The following CDK19 variants were observed in gnomAD, a reference collection of about 807,000 sequenced individuals.
CDK19 encodes the protein cyclin-dependent kinase 19.
CDK19 carries 20 observed loss-of-function variants against 68.3 expected under a neutral mutation model. That is an observed-to-expected ratio of 0.29 (90% CI 0.21 to 0.43). The LOEUF is 0.43. CDK19 is among the 20% of genes least tolerant of loss of function. The pLI, the probability that CDK19 is intolerant of heterozygous loss-of-function variation, is 1.00. For synonymous variants in CDK19, 221 were observed against 222.8 expected, an observed-to-expected ratio of 0.99 and a Z score of 0.07; for missense variants, 339 against 623.5, an observed-to-expected ratio of 0.54 and a Z score of 4.86.
At chr6:110,742,545 A>G (rs1383223119) in intron 2 of CDK19, among the ~76,000 whole-genome samples, 1 of 152,186 alleles carries the variant, frequency 6.6e-6, no homozygotes, top group Non-Finnish European at 1.5e-5. Context: ...CTTCTTGCAG[A>G]GAGCCTATAA....
At chr6:110,715,566 C>T (rs1775322782) in intron 2 of CDK19, among the ~76,000 whole-genome samples, 1 of 152,164 alleles carries the variant, frequency 6.6e-6, no homozygotes, top group African/African-American at 2.4e-5. Context: ...TGGCCCACTG[C>T]AACCTCTGCC....
At position 110,802,060 on chromosome 6, in the gene CDK19, G is replaced by A. The variant is rs377115504; in HGVS notation, c.128+12949C>T. 5.1e-4 allele frequency among the ~76,000 whole-genome samples: 77 copies of A among 152,250 alleles called. No homozygotes were observed. In the East Asian group the frequency reaches 0.013, roughly 26 times the overall value. Reference sequence around the variant, plus strand: ...ATGTTGGCAAGGTTGAGGAGAAAAGGGAATGCTTATATACAGTTGGTGGGA... The same window carrying A: ...ATGTTGGCAAGGTTGAGGAGAAAAGAGAATGCTTATATACAGTTGGTGGGA... On this transcript the variant is annotated intron_variant, in intron 1 of 12. Transcript: ENST00000368911.
intron 1 of CDK19, among the ~76,000 whole-genome samples, chr6:110,781,152 GCT>G (rs1780785215): frequency 6.6e-6 from 1 of 152,082 alleles, no homozygotes; most frequent in South Asian, 2.1e-4. Flanking sequence ...ATTTTATTTG[GCT>G]CATGGTTCTG....
At position 110,613,289 on chromosome 6, in the gene CDK19, TA is replaced by T. The variant is rs1317837756; in HGVS notation, c.*1245del. 1 of 152,654 alleles carries T rather than the reference TA, an allele frequency of 6.6e-6. No homozygotes were observed. Among genetic ancestry groups the T allele is most frequent in the Non-Finnish European group, 1.5e-5 (1 of 68,038 alleles). 9.5% of individuals were successfully genotyped at this position (152,654 alleles called of 1,614,324 possible). A position where few individuals can be genotyped will look rare whatever the true frequency, so the allele number is the denominator to read the frequency against. On this transcript the variant is annotated 3_prime_UTR_variant, in exon 13 of 13. Transcript: ENST00000368911. Reference sequence around the variant, plus strand: ...TAGGCACAATTATTAAGTTTTCTCCTAGGGGCAAAAGAAATCATTCAGTGCA... The same window carrying T: ...TAGGCACAATTATTAAGTTTTCTCCTGGGGCAAAAGAAATCATTCAGTGCA...
intron 4 of CDK19, chr6:110,646,399 G>A: frequency 6.7e-7 from 1 of 1,482,696 alleles, no homozygotes; most frequent in Non-Finnish European, 8.9e-7. Flanking sequence ...CCATGGGGCT[G>A]CTGGCGGGCG....
chr6:110,777,635 C>G (rs1780502910), intron 1 of CDK19, among the ~76,000 whole-genome samples: 1 of 152,178 alleles, frequency 6.6e-6, no homozygotes, highest in Non-Finnish European at 1.5e-5. Flanking sequence ...AGCAGTTCCA[C>G]TTCTGGGTAT....
chr6:110,630,679 T>TAGCCTCTGATCTGCTGCCTTACC lies in CDK19; in HGVS notation c.646+1328_646+1350dup, dbSNP rs1779381338. Among the ~76,000 whole-genome samples, 4 of 152,360 alleles carry TAGCCTCTGATCTGCTGCCTTACC rather than the reference T, an allele frequency of 2.6e-5. 1 individual carries two copies. The South Asian group carries it at 8.3e-4, about 32-fold the overall frequency. The stretch of plus-strand genomic sequence containing the variant: ...TCCACTGATGACAGCCTGGCCTTGG[T>TAGCCTCTGATCTGCTGCCTTACC]AGCCTCTGATCTGCTGCCTTACCAG... On this transcript the variant is annotated intron_variant, in intron 6 of 12. Coordinates refer to ENST00000368911, the MANE Select transcript of CDK19 (RefSeq NM_015076.5).
chr6:110,760,689 T>C (rs998156345), intron 1 of CDK19, among the ~76,000 whole-genome samples: 4 of 152,064 alleles, frequency 2.6e-5, no homozygotes, highest in African/African-American at 7.2e-5. Context: ...GATCACATCA[T>C]TGTACTCCAG....
At chr6:110,744,008 C>T (rs1296940280) in intron 2 of CDK19, among the ~76,000 whole-genome samples, 1 of 126,008 alleles carries the variant, frequency 7.9e-6, no homozygotes, top group Non-Finnish European at 1.6e-5. Context: ...AATACCTCCC[C>T]ACGTTTTTTT....
chr6:110,621,255 GC>G lies in CDK19; in HGVS notation c.1225del (p.Ala409GlnfsTer23). The G allele has an allele frequency of 6.2e-7, 1 of 1,613,196 alleles. No individual in the cohort carries two copies. The highest frequency in any genetic ancestry group is 8.5e-7 in the Non-Finnish European group (1 of 1,179,946). ...CCCGACCCCGGCCCCAGCCCCACCT[GC>G]GGTCCCGTTGGTCTGGGTGCTGTTC... is the stretch of plus-strand genomic sequence containing the variant. Reference protein sequence around the residue: ...QQNSTQTNGTAGGAGAGVGGT... With the variant: ...QQNSTQTNGTXGGAGAGVGGT... On this transcript the variant is annotated frameshift_variant, in exon 12 of 13. Transcript: ENST00000368911. LOFTEE classifies it high-confidence loss of function. This position sits in a 1 kb window ranked among gnomAD's most constrained non-coding sequence, Gnocchi z 5.4.
At chr6:110,762,694 T>C (rs530025797) in intron 1 of CDK19, among the ~76,000 whole-genome samples, 3 of 152,152 alleles carry the variant, frequency 2.0e-5, no homozygotes, top group Non-Finnish European at 2.9e-5. Context: ...TCCAACAAAA[T>C]TGTAAACCTT....
chr6:110,678,505 T>C (rs1392085328), intron 2 of CDK19, among the ~76,000 whole-genome samples: 1 of 152,188 alleles, frequency 6.6e-6, no homozygotes, highest in Non-Finnish European at 1.5e-5. Context: ...TCATCTACTT[T>C]AACTCTTTTC....
At chr6:110,793,961 A>G (rs989754003) in intron 1 of CDK19, among the ~76,000 whole-genome samples, 19 of 152,206 alleles carry the variant, frequency 1.2e-4, no homozygotes, top group African/African-American at 4.6e-4. Context: ...TCTTATTTGT[A>G]CAATATTGGT....
intron 2 of CDK19, among the ~76,000 whole-genome samples, chr6:110,703,301 A>G (rs1410643419): frequency 6.6e-6 from 1 of 152,176 alleles, no homozygotes; most frequent in Non-Finnish European, 1.5e-5. Flanking sequence ...GCTCTAAGAT[A>G]TTATGTTAGC....
At chr6:110,647,935 T>C (rs1015891045) in intron 4 of CDK19, among the ~76,000 whole-genome samples, 4 of 152,108 alleles carry the variant, frequency 2.6e-5, no homozygotes, top group African/African-American at 9.7e-5. Flanking sequence ...AGAAAATCTA[T>C]GGAAGTTTAT....
At chr6:110,731,037 AGCAAAACTC>A (rs1776707865) in intron 2 of CDK19, among the ~76,000 whole-genome samples, 1 of 151,892 alleles carries the variant, frequency 6.6e-6, no homozygotes, top group Non-Finnish European at 1.5e-5. Context: ...GGGCGACAAG[AGCAAAACTC>A]CATCTCAAAC....
At chr6:110,679,439 ACCATCTCTACT>A (rs1251444498) in intron 2 of CDK19, among the ~76,000 whole-genome samples, 1 of 151,972 alleles carries the variant, frequency 6.6e-6, no homozygotes. Context: ...ATGGTGAAAC[ACCATCTCTACT>A]AAAATACAAA....
chr6:110,644,772 G>T (rs2114811640), intron 4 of CDK19, among the ~76,000 whole-genome samples: 1 of 151,962 alleles, frequency 6.6e-6, no homozygotes, highest in South Asian at 2.1e-4. Context: ...TGGTGTTTTA[G>T]AACTACAGAG....
chr6:110,760,653 G>C (rs1779169869), intron 1 of CDK19, among the ~76,000 whole-genome samples: 1 of 152,176 alleles, frequency 6.6e-6, no homozygotes, highest in Admixed American at 6.5e-5. Context: ...AGCTTGAACT[G>C]AGAGGTCAAG....
Sources: allele counts gnomAD v4.1 joint callset (sites outside exome capture counted in the v4.1 genomes callset), GRCh38; gene constraint gnomAD v4.1.1; non-coding constraint Gnocchi (gnomAD v3.1); transcripts MANE v1.5; gene names NCBI Gene and HGNC (gene_info 2026-07-23, HGNC 2026-07-21).